The following USP3 variants were observed in gnomAD, a reference collection of about 807,000 sequenced individuals.
USP3 encodes ubiquitin specific peptidase 3.
In USP3, 20 loss-of-function variants were observed where a neutral mutation model predicts 72.3. The ratio of observed to expected loss-of-function variants is 0.28; its 90% CI spans 0.19 to 0.40. USP3 has a LOEUF of 0.40. USP3 is among the 10% of genes least tolerant of loss of function. The pLI, the probability that USP3 is intolerant of heterozygous loss-of-function variation, is 1.00. For synonymous variants in USP3, 222 were observed against 225.3 expected (o/e 0.99, Z 0.13); for missense variants, 479 against 633.9 (o/e 0.76, Z 2.62).
chr15:63,588,761 T>C lies in USP3; in HGVS notation c.1275T>C (p.Asp425=). The change falls in exon 13 of 15, where the codon GAT becomes GAC. Residue 425 remains aspartate, a synonymous_variant. Transcript: ENST00000380324. This position sits in a 1 kb window ranked among gnomAD's most constrained non-coding sequence, Gnocchi z 4.6. ...HWTAYLRNKV[D]TYVEFPLRGL... ...CAGCATATTTAAGAAATAAAGTTGA[T>C]ACATACGTAGAATTTCCACTGAGAG... The C allele has an allele frequency of 1.2e-6, 2 of 1,614,216 alleles. No individual in the cohort carries two copies. Among genetic ancestry groups the C allele is most frequent in the Non-Finnish European group, 1.7e-6 (2 of 1,180,022 alleles).
intron 5 of USP3, among the ~76,000 whole-genome samples, chr15:63,557,619 G>T (rs749261827): frequency 6.6e-6 from 1 of 152,134 alleles, no homozygotes; most frequent in African/African-American, 2.4e-5. Context: ...GTCTTGAGGC[G>T]CCTGGCCTCA....
chr15:63,511,245 G>A, intron 1 of USP3, among the ~76,000 whole-genome samples: 2 of 39,038 alleles, frequency 5.1e-5, no homozygotes, highest in African/African-American at 7.0e-5. Flanking sequence ...ACACTGTTCA[G>A]ACTTTTAGCT....
chr15:63,536,565 T>C (rs1336158448), intron 2 of USP3, among the ~76,000 whole-genome samples: 1 of 152,156 alleles, frequency 6.6e-6, no homozygotes, highest in Non-Finnish European at 1.5e-5. Context: ...GAGCCTACTC[T>C]TGTATATAAT....
intron 8 of USP3, among the ~76,000 whole-genome samples, chr15:63,567,370 G>A (rs1271465488): frequency 2.3e-5 from 3 of 127,866 alleles, no homozygotes; most frequent in Admixed American, 8.6e-5. Flanking sequence ...TTTTTGAGAC[G>A]GAGTCTCGCT....
rs912507436 is a variant in USP3 at position 63,519,333 on chromosome 15, C to CT, written c.92-13303dup. Among the ~76,000 whole-genome samples the CT allele has an allele frequency of 5.7e-3, 817 of 143,582 alleles. 4 individuals are homozygous for CT. The highest frequency in any genetic ancestry group is 0.015 in the African/African-American group (583 of 39,470). 94.2% of individuals were successfully genotyped at this position (143,582 alleles called of 152,430 possible). A position where few individuals can be genotyped will look rare whatever the true frequency, so the allele number is the denominator to read the frequency against. On this transcript the variant is annotated intron_variant, in intron 1 of 14. Transcript: ENST00000380324. ...TTGTTTTTCATGTCTTGGCTTTTGG[C>CT]TTTTTTTTTTTCTATTCTAACATCA...
chr15:63,570,528 C>T lies in USP3; in HGVS notation c.857C>T (p.Ser286Leu). The T allele has an allele frequency of 6.2e-7, 1 of 1,614,170 alleles. No homozygotes were observed. The highest frequency in any genetic ancestry group is 8.5e-7 in the Non-Finnish European group (1 of 1,180,010). ...GGCGGTTTCAACGGTGTTTCCCGCT[C>T]AGCAATTCTGCAGGAGAATTCTACT... ...LQGGFNGVSR[S>L]AILQENSTLS... Residue 286 changes from serine (S) to leucine (L), a missense_variant, in exon 9 of 15, where the codon TCA becomes TTA. Ser to Leu is a moderately radical substitution (Grantham distance 145). Transcript: ENST00000380324. This position sits in a 1 kb window ranked among gnomAD's most constrained non-coding sequence, Gnocchi z 4.4.
intron 4 of USP3, among the ~76,000 whole-genome samples, chr15:63,555,681 C>G (rs1199363313): frequency 6.6e-6 from 1 of 152,140 alleles, no homozygotes; most frequent in Non-Finnish European, 1.5e-5. Context: ...GGTTTACCTT[C>G]CCCACTTCAC....
intron 1 of USP3, among the ~76,000 whole-genome samples, chr15:63,518,180 A>G (rs972703067): frequency 2.6e-5 from 4 of 152,224 alleles, no homozygotes; most frequent in African/African-American, 4.8e-5. Flanking sequence ...CTATTTGAAT[A>G]AAAATTTATA....
chr15:63,591,068 T>C lies in USP3; in HGVS notation c.*242T>C. On this transcript the variant is annotated 3_prime_UTR_variant, in exon 15 of 15. Coordinates refer to ENST00000380324, the MANE Select transcript of USP3 (RefSeq NM_006537.4). ...GTTGTAATAATTCAATTTTTATAGG[T>C]AGTTGTAAGAACTTAGTCTTATTTG... The C allele has an allele frequency of 4.8e-6, 2 of 416,762 alleles. No individual in the cohort carries two copies. The highest frequency in any genetic ancestry group is 8.5e-5 in the East Asian group (2 of 23,610). 25.8% of individuals were successfully genotyped at this position (416,762 alleles called of 1,614,324 possible). A position where few individuals can be genotyped will look rare whatever the true frequency, so the allele number is the denominator to read the frequency against.
chr15:63,580,645 T>TATATATATATATATATGA (rs2066938118), intron 11 of USP3, among the ~76,000 whole-genome samples: 1 of 61,902 alleles, frequency 1.6e-5, no homozygotes, highest in Admixed American at 1.3e-4. Context: ...GTGGTGCATA[T>TATATATATATATATATGA]ATATATGAAT....
intron 3 of USP3, among the ~76,000 whole-genome samples, chr15:63,541,474 T>A (rs1435756423): frequency 6.6e-6 from 1 of 152,160 alleles, no homozygotes; most frequent in Non-Finnish European, 1.5e-5. Context: ...GTTTTGTTTA[T>A]TTAAAAACAA....
At chr15:63,549,563 C>T (rs1275626960) in intron 3 of USP3, among the ~76,000 whole-genome samples, 1 of 152,118 alleles carries the variant, frequency 6.6e-6, no homozygotes, top group African/African-American at 2.4e-5. Context: ...GGTTTTGCAG[C>T]CACTTTACAC....
intron 1 of USP3, among the ~76,000 whole-genome samples, chr15:63,512,522 C>T (rs1378704617): frequency 2.0e-5 from 3 of 151,576 alleles, no homozygotes; most frequent in South Asian, 2.1e-4. Flanking sequence ...CTCAGCTCAC[C>T]GAAACCTCCA....
intron 8 of USP3, among the ~76,000 whole-genome samples, chr15:63,567,740 C>T (rs1346879033): frequency 6.6e-6 from 1 of 152,212 alleles, no homozygotes; most frequent in African/African-American, 2.4e-5. Flanking sequence ...CTCAGCCTCC[C>T]AAAGTGCTGG....
intron 11 of USP3, among the ~76,000 whole-genome samples, chr15:63,581,096 G>A (rs145451785): frequency 1.4e-4 from 21 of 152,028 alleles, no homozygotes; most frequent in Middle Eastern, 3.4e-3. Flanking sequence ...GTGAGCCACC[G>A]TGCCTGGCTG....
chr15:63,555,064 G>C (rs2066488981), intron 4 of USP3, among the ~76,000 whole-genome samples: 1 of 152,086 alleles, frequency 6.6e-6, no homozygotes, highest in African/African-American at 2.4e-5. Context: ...TAAGTCAAAG[G>C]GAAAAGAGGG....
At chr15:63,582,000 G>A (rs2066972322) in intron 11 of USP3, among the ~76,000 whole-genome samples, 1 of 152,122 alleles carries the variant, frequency 6.6e-6, no homozygotes, top group Non-Finnish European at 1.5e-5. Context: ...TTTTAATAAT[G>A]GTTTTCTTTA....
At chr15:63,537,708 A>G (rs938225650) in intron 3 of USP3, among the ~76,000 whole-genome samples, 1 of 152,102 alleles carries the variant, frequency 6.6e-6, no homozygotes, top group African/African-American at 2.4e-5. Flanking sequence ...TTTTTGAGAC[A>G]GAGTTTCGCT....
chr15:63,536,924 A>G, intron 2 of USP3, 101 bp from the exon 3 acceptor site: 2 of 1,264,836 alleles, frequency 1.6e-6, no homozygotes, highest in South Asian at 1.5e-5. Flanking sequence ...CTGTTATAGG[A>G]TTTCTTTATT....
Sources: gnomAD v4.1 joint callset for allele counts (sites outside exome capture counted in the v4.1 genomes callset) on GRCh38, gnomAD v4.1.1 for gene constraint, Gnocchi (gnomAD v3.1) non-coding constraint, MANE v1.5 for transcripts, NCBI Gene and HGNC (gene_info 2026-07-23, HGNC 2026-07-21) for gene names.